The following P2RY8 variants were observed in gnomAD, a reference collection of about 807,000 sequenced individuals.
P2RY8 encodes S-geranylgeranyl-glutathione receptor P2RY8.
A neutral mutation model predicts 10.0 loss-of-function variants in P2RY8; 6 were observed. That is an observed-to-expected ratio of 0.60 (90% CI 0.33 to 1.19). The LOEUF is 1.19. Among genes scored for constraint, P2RY8 ranks in the 50% most tolerant of loss-of-function variants. The pLI is 0.04. For synonymous variants in P2RY8, 276 were observed against 252.5 expected (o/e 1.09, Z -0.88); for missense variants, 456 against 542.0 (o/e 0.84, Z 1.58).
intron 1 of P2RY8, among the ~76,000 whole-genome samples, chrX:1,500,749 C>T (rs773746959): frequency 1.4e-4 from 21 of 152,140 alleles, no homozygotes; most frequent in East Asian, 9.7e-4. Context: ...CGCCCGGCCA[C>T]GTTAATTCTT....
At chrX:1,529,165 C>A (rs1386078328) in intron 1 of P2RY8, among the ~76,000 whole-genome samples, 2 of 151,664 alleles carry the variant, frequency 1.3e-5, no homozygotes, top group South Asian at 4.2e-4. Context: ...GAGACCTGAC[C>A]TGCACAGGGA....
chrX:1,478,493 T>A (rs1471044972), intron 1 of P2RY8, among the ~76,000 whole-genome samples: 6 of 151,872 alleles, frequency 4.0e-5, no homozygotes, highest in African/African-American at 9.7e-5. Context: ...TTATTTATTT[T>A]TTTGAGACAG....
chrX:1,485,890 A>T (rs1299542977), intron 1 of P2RY8, among the ~76,000 whole-genome samples: 1 of 151,890 alleles, frequency 6.6e-6, no homozygotes, highest in African/African-American at 2.4e-5. Context: ...TTATTTCTGC[A>T]TGTCATTTTG....
At chrX:1,524,497 CCACG>C (rs1179484504) in intron 1 of P2RY8, among the ~76,000 whole-genome samples, 7 of 132,900 alleles carry the variant, frequency 5.3e-5, no homozygotes, top group Non-Finnish European at 9.8e-5. Context: ...ATCCATACAT[CCACG>C]CATCCATCCA....
chrX:1,500,567 C>T (rs1367759891), intron 1 of P2RY8, among the ~76,000 whole-genome samples: 7 of 151,998 alleles, frequency 4.6e-5, no homozygotes, highest in South Asian at 2.1e-4. Flanking sequence ...GCCTCAGCCT[C>T]CCGAGTAGCT....
intron 1 of P2RY8, among the ~76,000 whole-genome samples, chrX:1,506,679 TTTC>T (rs2092236226): frequency 7.3e-6 from 1 of 137,758 alleles, no homozygotes. Flanking sequence ...ACTTTCTTTC[TTTC>T]TTTTTTTTTT....
At chrX:1,524,753 C>G (rs1305120920) in intron 1 of P2RY8, among the ~76,000 whole-genome samples, 2 of 96,524 alleles carry the variant, frequency 2.1e-5, no homozygotes, top group African/African-American at 3.3e-5. Context: ...ATCCATCCAT[C>G]CATCCATCCA....
intron 1 of P2RY8, among the ~76,000 whole-genome samples, chrX:1,532,785 A>G (rs1381844127): frequency 6.6e-6 from 1 of 151,952 alleles, no homozygotes; most frequent in African/African-American, 2.4e-5. Context: ...GCAGATCACA[A>G]GGTCAGGAGT....
intron 1 of P2RY8, among the ~76,000 whole-genome samples, chrX:1,514,711 TCCTTC>T (rs1569538352): frequency 2.0e-4 from 1 of 5,032 alleles, no homozygotes; most frequent in Non-Finnish European, 4.5e-4. Flanking sequence ...TTCCTTCCCT[TCCTTC>T]CCTTCCCTTC....
At chrX:1,499,989 G>C (rs191462946) in intron 1 of P2RY8, among the ~76,000 whole-genome samples, 8,617 of 126,240 alleles carry the variant, frequency 0.068, 1,023 homozygotes, top group Middle Eastern at 0.19. Flanking sequence ...CTCCCGAGTA[G>C]CTGGGACTAC....
chrX:1,509,616 A>C (rs1213272880), intron 1 of P2RY8, among the ~76,000 whole-genome samples: 2 of 138,982 alleles, frequency 1.4e-5, no homozygotes, highest in African/African-American at 6.0e-5. Context: ...TTATGTATCT[A>C]TCATGTATGT....
intron 1 of P2RY8, among the ~76,000 whole-genome samples, chrX:1,482,954 G>A (rs1217834987): frequency 1.3e-5 from 2 of 151,210 alleles, no homozygotes; most frequent in African/African-American, 2.4e-5. Context: ...GGGGTGGGGG[G>A]ACGGGGGAGG....
chrX:1,505,746 C>T (rs1335421120), intron 1 of P2RY8, among the ~76,000 whole-genome samples: 1 of 151,908 alleles, frequency 6.6e-6, no homozygotes, highest in Non-Finnish European at 1.5e-5. Context: ...GCCGACATGG[C>T]GCCATTGCAC....
chrX:1,508,289 T>C (rs1316707509), intron 1 of P2RY8, among the ~76,000 whole-genome samples: 1 of 152,100 alleles, frequency 6.6e-6, no homozygotes, highest in Non-Finnish European at 1.5e-5. Flanking sequence ...GGGGCCACTG[T>C]GGTCCCCAGG....
chrX:1,510,475 C>T (rs1181475812), intron 1 of P2RY8, among the ~76,000 whole-genome samples: 1 of 152,152 alleles, frequency 6.6e-6, no homozygotes, highest in African/African-American at 2.4e-5. Context: ...CAACTTTGAT[C>T]GCACAAGAGA....
chrX:1,498,354 C>A (rs779166376), intron 1 of P2RY8, among the ~76,000 whole-genome samples: 9 of 135,040 alleles, frequency 6.7e-5, no homozygotes, highest in African/African-American at 1.6e-4. Context: ...TGCAGTGAGC[C>A]GAGATCGCGC....
At chrX:1,509,808 T>TCATCTATGTATCCATC (rs1556682893) in intron 1 of P2RY8, among the ~76,000 whole-genome samples, 92 of 81,014 alleles carry the variant, frequency 1.1e-3, no homozygotes, top group Non-Finnish European at 1.9e-3. Context: ...TATCTATCTA[T>TCATCTATGTATCCATC]CTATCTATCT....
intron 1 of P2RY8, among the ~76,000 whole-genome samples, chrX:1,510,010 A>C (rs1417819362): frequency 6.6e-6 from 1 of 151,960 alleles, no homozygotes; most frequent in Non-Finnish European, 1.5e-5. Context: ...GTATCTATCC[A>C]TTCATTGTAT....
intron 1 of P2RY8, among the ~76,000 whole-genome samples, chrX:1,532,466 T>C (rs1327061580): frequency 1.4e-4 from 1 of 7,294 alleles, no homozygotes; most frequent in Non-Finnish European, 3.9e-4. Context: ...TATATACACA[T>C]ATATGTATAG....
Sources: gnomAD v4.1 joint callset for allele counts (sites outside exome capture counted in the v4.1 genomes callset) on GRCh38, gnomAD v4.1.1 for gene constraint, MANE v1.5 for transcripts, NCBI Gene and HGNC (gene_info 2026-07-23, HGNC 2026-07-21) for gene names.